ESR1: variants seen among roughly 807,000 people sequenced by gnomAD.
ESR1 encodes estrogen receptor 1, also known as estrogen receptor.
A neutral mutation model predicts 52.7 loss-of-function variants in ESR1; 12 were observed. That is an observed-to-expected ratio of 0.23 (90% CI 0.15 to 0.37). ESR1 has a LOEUF of 0.37. Ranked by LOEUF, ESR1 falls within the 10% of genes least tolerant of loss-of-function variation. The pLI is 1.00. For synonymous variants in ESR1, 305 were observed against 316.8 expected, an observed-to-expected ratio of 0.96 and a Z score of 0.39; for missense variants, 584 against 779.7, an observed-to-expected ratio of 0.75 and a Z score of 2.99.
intron 5 of ESR1, among the ~76,000 whole-genome samples, chr6:152,043,832 A>G (rs1436667940): frequency 6.6e-6 from 1 of 152,126 alleles, no homozygotes; most frequent in Non-Finnish European, 1.5e-5. Flanking sequence ...TTTTTCAATC[A>G]ATGCTGTCAC....
intron 5 of ESR1, among the ~76,000 whole-genome samples, chr6:152,049,395 G>C (rs1047932391): frequency 1.3e-5 from 2 of 152,294 alleles, no homozygotes; most frequent in East Asian, 3.9e-4. Flanking sequence ...TGTGAAAAAA[G>C]TAAATAGCAA....
chr6:152,122,713 C>A, intron 6 of ESR1: 3 of 1,612,800 alleles, frequency 1.9e-6, no homozygotes, highest in Non-Finnish European at 2.5e-6. Context: ...TCAGATAACT[C>A]CAGTGTCGGA....
At chr6:151,660,702 T>A (rs1217108102) in intron 1 of ESR1, among the ~76,000 whole-genome samples, 1 of 152,206 alleles carries the variant, frequency 6.6e-6, no homozygotes, top group Non-Finnish European at 1.5e-5. Flanking sequence ...AGCATACGTA[T>A]ATGTTATGTA....
At chr6:151,899,119 C>G (rs1464833684) in intron 3 of ESR1, among the ~76,000 whole-genome samples, 1 of 119,922 alleles carries the variant, frequency 8.3e-6, no homozygotes, top group Non-Finnish European at 1.7e-5. Flanking sequence ...GCTGGCCGGG[C>G]GGGGGGCTGA....
At chr6:151,674,791 C>T (rs1346970063) in intron 1 of ESR1, among the ~76,000 whole-genome samples, 1 of 152,200 alleles carries the variant, frequency 6.6e-6, no homozygotes, top group African/African-American at 2.4e-5. Context: ...TCCACTGAAC[C>T]TAAGTTGCAG....
chr6:151,945,091 A>G (rs756967080), intron 4 of ESR1, among the ~76,000 whole-genome samples: 1 of 152,028 alleles, frequency 6.6e-6, no homozygotes, highest in Admixed American at 6.6e-5. Flanking sequence ...AGTGGCACAC[A>G]CCTGTGGTCC....
chr6:152,107,074 A>C (rs1164735189), downstream of ESR1, among the ~76,000 whole-genome samples: 1 of 152,056 alleles, frequency 6.6e-6, no homozygotes, highest in African/African-American at 2.4e-5. Context: ...TTTGGTGTAG[A>C]TCTTTTTGTA....
intron 5 of ESR1, among the ~76,000 whole-genome samples, chr6:152,042,657 T>C (rs1305835359): frequency 6.6e-6 from 1 of 152,160 alleles, no homozygotes; most frequent in East Asian, 1.9e-4. Flanking sequence ...TGAGGGGCCG[T>C]GATTCTTTGT....
chr6:152,094,351 G>A lies in ESR1; in HGVS notation c.1370-34G>A, dbSNP rs762858280. The A allele has an allele frequency of 6.2e-7, 1 of 1,602,116 alleles. No homozygotes were observed. The highest frequency in any genetic ancestry group is 1.1e-5 in the South Asian group (1 of 90,794). Reference sequence around the variant, plus strand: ...GTCTCCTAGACCTCATCCTCTTTGAGCTTCTCTCTCTCACTCTCTCTCTGC... The same window carrying A: ...GTCTCCTAGACCTCATCCTCTTTGAACTTCTCTCTCTCACTCTCTCTCTGC... On this transcript the variant is annotated intron_variant, in intron 6 of 7. Coordinates refer to ENST00000206249, the MANE Select transcript of ESR1 (RefSeq NM_000125.4). The surrounding 1 kb of genome is among the most constrained non-coding windows in gnomAD (Gnocchi z 4.6).
intron 6 of ESR1, among the ~76,000 whole-genome samples, chr6:152,115,447 A>G (rs1207766939): frequency 6.6e-6 from 1 of 152,212 alleles, no homozygotes; most frequent in Non-Finnish European, 1.5e-5. Context: ...CTTACTTCAT[A>G]CTAATGACAA....
At chr6:151,703,950 C>T (rs1779986321) in intron 2 of ESR1, among the ~76,000 whole-genome samples, 1 of 152,212 alleles carries the variant, frequency 6.6e-6, no homozygotes, top group South Asian at 2.1e-4. Flanking sequence ...GCCTGGGTAA[C>T]TGTGTCACTT....
chr6:151,697,570 A>G (rs1779447791), intron 1 of ESR1, among the ~76,000 whole-genome samples: 2 of 152,278 alleles, frequency 1.3e-5, no homozygotes, highest in East Asian at 3.8e-4. Flanking sequence ...TGGACAAGAT[A>G]TAGATGCAGA....
chr6:151,978,356 C>G (rs530883249), intron 4 of ESR1, among the ~76,000 whole-genome samples: 1 of 151,890 alleles, frequency 6.6e-6, no homozygotes, highest in African/African-American at 2.4e-5. Context: ...ATGGTCAATA[C>G]GAACATTAGG....
intron 1 of ESR1, among the ~76,000 whole-genome samples, chr6:151,826,641 A>G (rs1202016666): frequency 1.3e-5 from 2 of 152,190 alleles, no homozygotes; most frequent in East Asian, 1.9e-4. Context: ...TACAGTGACC[A>G]TGGTGGCTTG....
At chr6:152,031,323 C>A (rs1425885028) in intron 5 of ESR1, among the ~76,000 whole-genome samples, 5 of 152,160 alleles carry the variant, frequency 3.3e-5, no homozygotes, top group Non-Finnish European at 7.4e-5. Context: ...ACACAAAAAA[C>A]CCTTCAAAAA....
intron 1 of ESR1, chr6:151,809,248 C>T: frequency 2.4e-6 from 1 of 417,872 alleles, no homozygotes; most frequent in South Asian, 1.7e-5. Flanking sequence ...CACAGGAGAC[C>T]ACTTTGTGAC....
intron 5 of ESR1, among the ~76,000 whole-genome samples, chr6:152,024,383 C>T (rs2043946016): frequency 6.6e-6 from 1 of 151,670 alleles, no homozygotes; most frequent in Admixed American, 6.6e-5. Context: ...TCTATGTGAC[C>T]TTTAGAATTA....
chr6:151,968,099 G>T (rs1051270455), intron 4 of ESR1, among the ~76,000 whole-genome samples: 16 of 152,066 alleles, frequency 1.1e-4, no homozygotes, highest in African/African-American at 3.4e-4. Context: ...CAGAACAGAG[G>T]CCTCAGAAAT....
At chr6:151,999,641 C>T (rs1013123683) in intron 4 of ESR1, among the ~76,000 whole-genome samples, 44 of 151,972 alleles carry the variant, frequency 2.9e-4, no homozygotes, top group Admixed American at 2.4e-3. Context: ...GTTTTGGATT[C>T]GAGAGAAAAT....
Sources: allele counts gnomAD v4.1 joint callset (sites outside exome capture counted in the v4.1 genomes callset), GRCh38; gene constraint gnomAD v4.1.1; non-coding constraint Gnocchi (gnomAD v3.1); transcripts MANE v1.5; gene names NCBI Gene and HGNC (gene_info 2026-07-23, HGNC 2026-07-21).